DPP10: variants seen among roughly 807,000 people sequenced by gnomAD.
DPP10 encodes the protein dipeptidyl peptidase like 10.
A neutral mutation model predicts 120.9 loss-of-function variants in DPP10; 33 were observed. The observed-to-expected ratio is 0.27, with a 90% CI of 0.21 to 0.37. The LOEUF (loss-of-function observed/expected upper bound fraction) is 0.37. DPP10 is among the 10% of genes least tolerant of loss of function. The pLI is 1.00. For missense variants in DPP10, 816 were observed against 942.8 expected (o/e 0.87, Z 1.76); for synonymous variants, 337 against 326.1 (o/e 1.03, Z -0.36).
intron 5 of DPP10, among the ~76,000 whole-genome samples, chr2:115,667,275 A>T (rs2089527463): frequency 6.6e-6 from 1 of 152,132 alleles, no homozygotes; most frequent in Admixed American, 6.6e-5. Context: ...TGCATAAATT[A>T]TAAATACTTT....
intron 1 of DPP10, among the ~76,000 whole-genome samples, chr2:114,704,840 T>C (rs986440197): frequency 2.0e-5 from 3 of 152,080 alleles, no homozygotes; most frequent in African/African-American, 2.4e-5. Flanking sequence ...AAGGAGGTAA[T>C]TAAGGTTAAA....
At chr2:115,216,056 A>G (rs2056798824) in intron 1 of DPP10, among the ~76,000 whole-genome samples, 2 of 152,158 alleles carry the variant, frequency 1.3e-5, no homozygotes, top group Admixed American at 1.3e-4. Context: ...TCAGAAACAG[A>G]AGTCAAATAT....
chr2:115,496,632 A>G (rs376104752), intron 3 of DPP10, among the ~76,000 whole-genome samples: 8 of 152,270 alleles, frequency 5.3e-5, no homozygotes, highest in African/African-American at 1.7e-4. Context: ...ATCACCATTC[A>G]TACTAAAATT....
At chr2:115,664,860 C>A (rs956489244) in intron 5 of DPP10, among the ~76,000 whole-genome samples, 1 of 130,664 alleles carries the variant, frequency 7.7e-6, no homozygotes, top group Admixed American at 7.5e-5. Context: ...TTCAACACAT[C>A]GCCACTAGTC....
At chr2:115,027,431 T>G (rs565658257) in intron 1 of DPP10, among the ~76,000 whole-genome samples, 1 of 152,312 alleles carries the variant, frequency 6.6e-6, no homozygotes, top group Non-Finnish European at 1.5e-5. Flanking sequence ...TTGCATATAT[T>G]AGACAATTTT....
At chr2:115,328,342 G>A (rs1427926200) in intron 2 of DPP10, among the ~76,000 whole-genome samples, 1 of 152,076 alleles carries the variant, frequency 6.6e-6, no homozygotes, top group Non-Finnish European at 1.5e-5. Flanking sequence ...GTCTCAGAAA[G>A]AGGTTTGAGA....
intron 1 of DPP10, among the ~76,000 whole-genome samples, chr2:114,605,710 G>A (rs979317115): frequency 2.0e-5 from 3 of 152,154 alleles, no homozygotes; most frequent in East Asian, 1.9e-4. Flanking sequence ...GACAAGTCCT[G>A]TCTAGTCATC....
chr2:114,813,984 A>ACG (rs1194356029), intron 1 of DPP10, among the ~76,000 whole-genome samples: 37 of 147,838 alleles, frequency 2.5e-4, no homozygotes, highest in African/African-American at 8.1e-4. Flanking sequence ...ACACACACAC[A>ACG]CACCACGAGC....
chr2:115,823,134 C>G (rs992307016), intron 21 of DPP10, among the ~76,000 whole-genome samples: 1 of 151,956 alleles, frequency 6.6e-6, no homozygotes, highest in Admixed American at 6.6e-5. Flanking sequence ...CATGGTGATA[C>G]TTTTCCTTGT....
intron 5 of DPP10, among the ~76,000 whole-genome samples, chr2:115,559,800 A>G (rs553974195): frequency 9.2e-5 from 14 of 152,328 alleles, no homozygotes; most frequent in African/African-American, 3.4e-4. Context: ...GAGGATGCAC[A>G]GGCCATTTGA....
In DPP10 at chr2:115,842,199, T is replaced by A; in HGVS notation, c.2257-12T>A. 1 of 1,571,190 alleles carries A rather than the reference T, an allele frequency of 6.4e-7. No individual in the cohort carries two copies. Among genetic ancestry groups the A allele is most frequent in the Non-Finnish European group, 8.7e-7 (1 of 1,151,458 alleles). ...GGATAATTTGAAATCTTCTTTCTCC[T>A]CAATATCTTAGGTCTACCCAGATGA... On this transcript the variant is annotated splice_polypyrimidine_tract_variant and intron_variant, in intron 25 of 25. Coordinates refer to ENST00000410059, the MANE Select transcript of DPP10 (RefSeq NM_020868.6).
At chr2:115,057,884 T>C (rs1208190512) in intron 1 of DPP10, among the ~76,000 whole-genome samples, 1 of 152,198 alleles carries the variant, frequency 6.6e-6, no homozygotes, top group African/African-American at 2.4e-5. Context: ...TCCAGTCTAG[T>C]CTGAGTTTGA....
chr2:115,653,576 A>G (rs983542136), intron 5 of DPP10, among the ~76,000 whole-genome samples: 1 of 151,950 alleles, frequency 6.6e-6, no homozygotes, highest in Non-Finnish European at 1.5e-5. Context: ...TTCCCAATAT[A>G]CAATAAATTC....
intron 1 of DPP10, among the ~76,000 whole-genome samples, chr2:115,264,933 T>C (rs539020109): frequency 1.3e-4 from 20 of 152,286 alleles, no homozygotes; most frequent in South Asian, 2.1e-4. Context: ...CACCATTGCA[T>C]TGATAGATTT....
At chr2:115,530,542 T>G (rs2078398420) in intron 5 of DPP10, among the ~76,000 whole-genome samples, 1 of 151,808 alleles carries the variant, frequency 6.6e-6, no homozygotes, top group Non-Finnish European at 1.5e-5. Flanking sequence ...TTTAGTTGGG[T>G]GTGGTGGCAC....
intron 1 of DPP10, among the ~76,000 whole-genome samples, chr2:115,227,325 A>G (rs906112336): frequency 6.6e-6 from 1 of 152,184 alleles, no homozygotes; most frequent in Admixed American, 6.6e-5. Flanking sequence ...TTTTCAGAGT[A>G]CATTAAATCA....
chr2:115,773,400 G>T (rs1266510531), intron 13 of DPP10, among the ~76,000 whole-genome samples: 1 of 152,032 alleles, frequency 6.6e-6, no homozygotes, highest in Non-Finnish European at 1.5e-5. Context: ...AAGGTCACTT[G>T]TCTGGTGTCT....
At chr2:115,633,339 C>T (rs905782362) in intron 5 of DPP10, among the ~76,000 whole-genome samples, 1 of 152,052 alleles carries the variant, frequency 6.6e-6, no homozygotes, top group Admixed American at 6.6e-5. Flanking sequence ...GGACAGAAAA[C>T]CAAACACCAC....
chr2:115,382,056 C>G (rs2066422070), intron 3 of DPP10, among the ~76,000 whole-genome samples: 1 of 152,194 alleles, frequency 6.6e-6, no homozygotes, highest in Non-Finnish European at 1.5e-5. Context: ...GCAGGCAGGC[C>G]TCCTTGAGCT....
Sources: allele counts gnomAD v4.1 joint callset (sites outside exome capture counted in the v4.1 genomes callset), GRCh38; gene constraint gnomAD v4.1.1; transcripts MANE v1.5; gene names NCBI Gene and HGNC (gene_info 2026-07-23, HGNC 2026-07-21).